Variants in JADE2 observed in about 807,000 individuals in gnomAD.
JADE2 encodes E3 ubiquitin-protein ligase Jade-2.
A neutral mutation model predicts 85.7 loss-of-function variants in JADE2; 13 were observed. That is an observed-to-expected ratio of 0.15 (90% CI 0.10 to 0.24). JADE2 has a LOEUF of 0.24. Among genes scored for constraint, JADE2 ranks in the 10% least tolerant of loss-of-function variants. The pLI, the probability that JADE2 is intolerant of heterozygous loss-of-function variation, is 1.00. For missense variants in JADE2, 846 were observed against 1,115.9 expected (o/e 0.76, Z 3.45); for synonymous variants, 440 against 456.1 (o/e 0.96, Z 0.45).
intron 3 of JADE2, among the ~76,000 whole-genome samples, chr5:134,539,451 G>A (rs186522207): frequency 3.3e-5 from 5 of 152,236 alleles, no homozygotes; most frequent in South Asian, 2.1e-4. Flanking sequence ...CACCTGCCTC[G>A]GCCTCCCAAA....
At chr5:134,526,123 G>A (rs1165517561) in intron 1 of JADE2, 112 bp downstream of exon 1, 6 of 985,244 alleles carry the variant, frequency 6.1e-6, no homozygotes, top group Non-Finnish European at 7.2e-6. Flanking sequence ...TTGCTCGCTC[G>A]CTCCCTCTCT....
intron 2 of JADE2, among the ~76,000 whole-genome samples, chr5:134,537,235 C>T (rs1644242685): frequency 6.6e-6 from 1 of 152,216 alleles, no homozygotes. Flanking sequence ...TACTCCTATT[C>T]AGCCAAAACC....
chr5:134,559,835 T>A lies in JADE2; in HGVS notation c.317T>A (p.Leu106His). The A allele has an allele frequency of 6.2e-7, 1 of 1,609,200 alleles. No homozygotes were observed. Among genetic ancestry groups the A allele is most frequent in the Non-Finnish European group, 8.5e-7 (1 of 1,178,114 alleles). ...EAIPEPVVRILPPLEGPPAQA... is the reference protein window; with the variant it reads ...EAIPEPVVRIHPPLEGPPAQA... ...ATCCTGTCTTGATTTTCTAGGATCC[T>A]CCCACCACTGGAAGGCCCCCCTGCC... The change falls in exon 5 of 12, where the codon CTC becomes CAC. Residue 106 changes from leucine (L) to histidine (H), a missense_variant. Leu to His is a moderately conservative substitution (Grantham distance 99, BLOSUM62 -3). Around this residue, in one of 9 missense-constraint regions of JADE2, gnomAD observed 78 missense variants for 64.9 expected, o/e 1.20. Transcript: ENST00000681547.
Position 134,566,004 on chromosome 5 carries a change from G to C in JADE2, c.970-112G>C. The C allele has an allele frequency of 1.1e-6, 1 of 912,416 alleles. No individual in the cohort carries two copies. The highest frequency in any genetic ancestry group is 1.7e-6 in the Non-Finnish European group (1 of 592,012). The allele number at this position is 912,416 out of a possible 1,614,324, so 56.5% of individuals were successfully genotyped here. On this transcript the variant is annotated intron_variant, in intron 8 of 11. Transcript: ENST00000681547. This position sits in a 1 kb window ranked among gnomAD's most constrained non-coding sequence, Gnocchi z 6.7. ...TTGGGAGCCCATGCCATTCTGTTTA[G>C]GTTCTCTCCAGCATTGCGCATTCTC...
At chr5:134,559,725 A>G in intron 4 of JADE2, 105 bp from the exon 5 acceptor site, 1 of 1,163,210 alleles carries the variant, frequency 8.6e-7, no homozygotes, top group Non-Finnish European at 1.2e-6. Flanking sequence ...GTGTCAAAGC[A>G]CACTTGTCCA....
chr5:134,538,268 C>T (rs1226707017), intron 3 of JADE2, among the ~76,000 whole-genome samples, 185 bp downstream of exon 3: 1 of 152,184 alleles, frequency 6.6e-6, no homozygotes, highest in Non-Finnish European at 1.5e-5. Flanking sequence ...GAAGATGTTC[C>T]TATTGAACTG....
chr5:134,556,186 C>G (rs1762901007), intron 4 of JADE2, among the ~76,000 whole-genome samples: 1 of 152,228 alleles, frequency 6.6e-6, no homozygotes, highest in African/African-American at 2.4e-5. Flanking sequence ...CCCAGGATGC[C>G]TCTCAAGTAA....
chr5:134,547,531 C>A (rs1284568728), intron 3 of JADE2, among the ~76,000 whole-genome samples: 1 of 152,174 alleles, frequency 6.6e-6, no homozygotes, highest in East Asian at 1.9e-4. Context: ...CCATTTTATT[C>A]TTTATTTAGT....
At chr5:134,545,603 G>A (rs908575709) in intron 3 of JADE2, among the ~76,000 whole-genome samples, 2 of 152,134 alleles carry the variant, frequency 1.3e-5, no homozygotes, top group Admixed American at 6.5e-5. Flanking sequence ...AGAGCCCTCT[G>A]TGTCTTGCAA....
chr5:134,568,534 G>A (rs2149999065), intron 9 of JADE2, among the ~76,000 whole-genome samples: 1 of 152,316 alleles, frequency 6.6e-6, no homozygotes, highest in South Asian at 2.1e-4. Context: ...CCAGAGTCAG[G>A]TGTGAACCGT....
rs749006747 is a variant in JADE2 at position 134,552,069 on chromosome 5, G to A, written c.171G>A (p.Leu57=). ...KKPSEVFRTD[L]ITAMKIPDSY... The stretch of plus-strand genomic sequence containing the variant: ...CCTCACAGGTTTTCCGGACAGACTT[G>A]ATCACAGCCATGAAGATCCCGGACT... The change falls in exon 4 of 12, where the codon TTG becomes TTA. Residue 57 remains leucine (L), a synonymous_variant. Transcript: ENST00000681547. The A allele has an allele frequency of 3.7e-6, 6 of 1,614,146 alleles. No homozygotes were observed. Among genetic ancestry groups the A allele is most frequent in the Non-Finnish European group, 5.1e-6 (6 of 1,180,024 alleles).
chr5:134,559,793 G>A (rs764992378), intron 4 of JADE2, 37 bp from the exon 5 acceptor site: 5 of 1,587,488 alleles, frequency 3.1e-6, no homozygotes, highest in Non-Finnish European at 3.4e-6. Flanking sequence ...CAGGCTGAGG[G>A]CCCCTCCCTT....
At chr5:134,570,855 C>T (rs917866669) in intron 9 of JADE2, among the ~76,000 whole-genome samples, 2 of 152,232 alleles carry the variant, frequency 1.3e-5, no homozygotes, top group African/African-American at 4.8e-5. Context: ...CACAGTTTTG[C>T]CCCACGTGGG....
chr5:134,582,059 A>G lies in JADE2; in HGVS notation c.*2742A>G, dbSNP rs1025009048. 4 of 152,114 alleles carry G rather than the reference A, an allele frequency of 2.6e-5. No homozygotes were observed. The highest frequency in any genetic ancestry group is 9.7e-5 in the African/African-American group (4 of 41,400). The allele number at this position is 152,114 out of a possible 1,614,324, so 9.4% of individuals were successfully genotyped here. ...CTCTCAACCACATCTGCCTCCACAC[A>G]CAGCTCCTCCGCAGGGAAGGAGAAG... On this transcript the variant is annotated 3_prime_UTR_variant, in exon 12 of 12. Transcript: ENST00000681547.
At chr5:134,571,632 G>A (rs1561761727) in intron 9 of JADE2, among the ~76,000 whole-genome samples, 1 of 152,222 alleles carries the variant, frequency 6.6e-6, no homozygotes, top group East Asian at 1.9e-4. Context: ...GGGAGGCCGA[G>A]GTTGCAGTGA....
chr5:134,571,431 G>C (rs1365310202), intron 9 of JADE2, among the ~76,000 whole-genome samples: 1 of 152,226 alleles, frequency 6.6e-6, no homozygotes, highest in Non-Finnish European at 1.5e-5. Flanking sequence ...GGGCGCGGTG[G>C]CTCACGCCTG....
chr5:134,564,613 A>T lies in JADE2; in HGVS notation c.969+3A>T, dbSNP rs1409774764. On this transcript the variant is annotated splice_donor_region_variant and intron_variant, in intron 8 of 11. Transcript: ENST00000681547. ...AATGCACAGGCACCTGCATCCAGGT[A>T]TGTGGCCTACTTCACCTCCTGCTGC... 1.3e-6 allele frequency: 2 copies of T among 1,533,714 alleles called. No individual in the cohort carries two copies. Among genetic ancestry groups the T allele is most frequent in the African/African-American group, 2.7e-5 (2 of 72,744 alleles).
chr5:134,552,028 T>C, intron 3 of JADE2, 24 bp from the exon 4 acceptor site: 1 of 1,613,524 alleles, frequency 6.2e-7, no homozygotes, highest in Non-Finnish European at 8.5e-7. Context: ...CTGAAGTCAC[T>C]CTTTCCCCTC....
intron 2 of JADE2, 49 bp downstream of exon 2, chr5:134,535,964 A>G (rs772095310): frequency 6.5e-7 from 1 of 1,528,822 alleles, no homozygotes; most frequent in Non-Finnish European, 9.1e-7. Flanking sequence ...TTGAACAGTG[A>G]TCAGGCCCAC....
Sources: allele counts gnomAD v4.1 joint callset (sites outside exome capture counted in the v4.1 genomes callset), GRCh38; gene constraint gnomAD v4.1.1; regional missense constraint gnomAD v4.1.1; non-coding constraint Gnocchi (gnomAD v3.1); transcripts MANE v1.5; gene names NCBI Gene and HGNC (gene_info 2026-07-23, HGNC 2026-07-21).